Variants in INPP4B observed in about 807,000 individuals in gnomAD.
INPP4B encodes inositol polyphosphate-4-phosphatase type II B.
A neutral mutation model predicts 122.5 loss-of-function variants in INPP4B; 55 were observed. The ratio of observed to expected loss-of-function variants is 0.45; its 90% confidence interval spans 0.36 to 0.56. INPP4B has a LOEUF of 0.56. INPP4B is among the 20% of genes least tolerant of loss of function. The probability of loss-of-function intolerance (pLI) is 0.00; values close to 1 mark genes in which losing one functional copy is unlikely to be tolerated. For missense variants in INPP4B, 1,000 were observed against 1,097.7 expected (o/e 0.91, Z 1.26); for synonymous variants, 403 against 388.7 (o/e 1.04, Z -0.43).
chr4:142,734,321 T>C (rs1460799580), intron 1 of INPP4B, among the ~76,000 whole-genome samples: 2 of 152,122 alleles, frequency 1.3e-5, no homozygotes, highest in African/African-American at 4.8e-5. Context: ...ATAAAATAAA[T>C]TTCTGTTTCT....
chr4:142,142,874 C>T (rs1318908991), intron 18 of INPP4B, among the ~76,000 whole-genome samples: 1 of 151,974 alleles, frequency 6.6e-6, no homozygotes, highest in Non-Finnish European at 1.5e-5. Context: ...TGGAGTTTTA[C>T]CCCAAAATAT....
intron 2 of INPP4B, among the ~76,000 whole-genome samples, chr4:142,533,259 C>T (rs531550340): frequency 2.6e-5 from 4 of 152,056 alleles, no homozygotes; most frequent in South Asian, 2.1e-4. Flanking sequence ...CTGTAGCAAT[C>T]GCAAAGCTCT....
At chr4:142,405,405 A>G (rs1803093105) in intron 5 of INPP4B, 81 bp from the exon 6 acceptor site, 1 of 826,714 alleles carries the variant, frequency 1.2e-6, no homozygotes, top group African/African-American at 1.7e-5. Context: ...CTGAAAGTGA[A>G]CTTAGCTACA....
intron 2 of INPP4B, among the ~76,000 whole-genome samples, chr4:142,634,044 T>TG (rs1204059286): frequency 5.4e-5 from 7 of 129,060 alleles, no homozygotes; most frequent in Admixed American, 3.2e-4. Flanking sequence ...AGGAGGGAGG[T>TG]GGGGGGAAAA....
intron 25 of INPP4B, among the ~76,000 whole-genome samples, chr4:142,032,922 T>G (rs1741265798): frequency 6.7e-6 from 1 of 150,164 alleles, no homozygotes; most frequent in Non-Finnish European, 1.5e-5. Context: ...TTAATTAGTA[T>G]GTTCCCTCCT....
intron 2 of INPP4B, among the ~76,000 whole-genome samples, chr4:142,492,825 A>AT (rs777137216): frequency 6.6e-6 from 1 of 152,214 alleles, no homozygotes; most frequent in Non-Finnish European, 1.5e-5. Context: ...AGAAATTTGC[A>AT]TAAGTAATGA....
intron 1 of INPP4B, among the ~76,000 whole-genome samples, chr4:142,827,078 C>T (rs79409651): frequency 0.016 from 2,508 of 152,252 alleles, 58 homozygotes; most frequent in African/African-American, 0.057. Context: ...ACTTTCTAGG[C>T]CTGTTGTTTG....
chr4:142,845,553 C>T (rs1253296992), intron 1 of INPP4B, among the ~76,000 whole-genome samples: 1 of 152,072 alleles, frequency 6.6e-6, no homozygotes, highest in Non-Finnish European at 1.5e-5. Context: ...GCCTGATGGC[C>T]GAGAGAAGAC....
intron 25 of INPP4B, among the ~76,000 whole-genome samples, chr4:142,079,348 C>A (rs1242771245): frequency 1.3e-5 from 2 of 151,830 alleles, no homozygotes; most frequent in African/African-American, 4.8e-5. Context: ...TTTTAAATTT[C>A]CAGAGGTGGT....
rs748685542 is a variant in INPP4B at position 142,124,669 on chromosome 4, A to C, written c.1812T>G (p.Phe604Leu). ...VVNRAKQSLT[F>L]VLLQELAYSL... ...TGTACGCAAGTTCCTGAAGGAGCAC[A>C]AATGTCAGGGACTGCTTGGCTCGGT... Residue 604 changes from phenylalanine to leucine, a missense_variant, in exon 19 of 26, where the codon TTT (phenylalanine) becomes TTG (leucine). Transcript: ENST00000262992. 4.3e-6 allele frequency: 7 copies of C among 1,613,368 alleles called. No individual in the cohort carries two copies. Among genetic ancestry groups the C allele is most frequent in the Non-Finnish European group, 5.9e-6 (7 of 1,179,590 alleles).
chr4:142,836,020 G>T (rs1782727868), intron 1 of INPP4B, among the ~76,000 whole-genome samples: 1 of 152,022 alleles, frequency 6.6e-6, no homozygotes, highest in Non-Finnish European at 1.5e-5. Context: ...GAAAATGTTT[G>T]GGCAAAATCA....
intron 1 of INPP4B, among the ~76,000 whole-genome samples, chr4:142,773,388 T>C (rs1453289225): frequency 6.6e-6 from 1 of 152,180 alleles, no homozygotes; most frequent in Non-Finnish European, 1.5e-5. Context: ...CTACTTACCA[T>C]GTACTCATAT....
At chr4:142,266,773 G>T (rs1232797613) in intron 10 of INPP4B, among the ~76,000 whole-genome samples, 4 of 152,038 alleles carry the variant, frequency 2.6e-5, no homozygotes, top group African/African-American at 9.7e-5. Context: ...AAGGGAAATT[G>T]TCTTTGTTTG....
chr4:142,543,556 G>GT (rs951926513), intron 2 of INPP4B, among the ~76,000 whole-genome samples: 5 of 152,054 alleles, frequency 3.3e-5, no homozygotes, highest in South Asian at 2.1e-4. Context: ...AATATAAGTG[G>GT]TTTTTTCTTA....
intron 9 of INPP4B, among the ~76,000 whole-genome samples, chr4:142,288,515 C>T (rs993965659): frequency 1.4e-4 from 22 of 152,012 alleles, no homozygotes; most frequent in Non-Finnish European, 1.5e-5. Flanking sequence ...ACCAGGGAGG[C>T]GGAGCTTGCA....
rs1447765994 is a variant in INPP4B, at chr4:142,270,778, C to T, written c.504-4G>A. ...CACTTTGCCACCATCTGAAGTTCTGCAACAAAAAATACACGAAATGGAAAG... is the reference window on the plus strand; with the variant it reads ...CACTTTGCCACCATCTGAAGTTCTGTAACAAAAAATACACGAAATGGAAAG... On this transcript the variant is annotated splice_region_variant and splice_polypyrimidine_tract_variant and intron_variant, in intron 9 of 25. Transcript: ENST00000262992. The T allele has an allele frequency of 3.1e-6, 5 of 1,595,198 alleles. No homozygotes were observed. In the Admixed American group the frequency reaches 8.4e-5, roughly 27 times the overall value.
At chr4:142,539,082 T>A (rs982071115) in intron 2 of INPP4B, among the ~76,000 whole-genome samples, 1 of 148,752 alleles carries the variant, frequency 6.7e-6, no homozygotes, top group Non-Finnish European at 1.5e-5. Context: ...AATTGTTATT[T>A]TATATATATA....
intron 2 of INPP4B, among the ~76,000 whole-genome samples, chr4:142,479,897 A>G (rs1820297533): frequency 6.6e-6 from 1 of 152,110 alleles, no homozygotes; most frequent in African/African-American, 2.4e-5. Flanking sequence ...CTGTACACCA[A>G]AACCCCTTGG....
intron 21 of INPP4B, among the ~76,000 whole-genome samples, chr4:142,121,150 A>C (rs28458916): frequency 0.13 from 20,467 of 152,040 alleles, 1,558 homozygotes; most frequent in East Asian, 0.24. Flanking sequence ...CGTATGAGCA[A>C]TTTTATTCTT....
Sources: allele counts gnomAD v4.1 joint callset (sites outside exome capture counted in the v4.1 genomes callset), GRCh38; gene constraint gnomAD v4.1.1; transcripts MANE v1.5; gene names NCBI Gene and HGNC (gene_info 2026-07-23, HGNC 2026-07-21).